Variants in TLL2 observed in about 807,000 individuals in gnomAD.
The protein encoded by TLL2 is tolloid like 2, also known as tolloid-like protein 2.
TLL2 carries 106 observed loss-of-function variants against 123.0 expected under a neutral mutation model. The observed-to-expected ratio is 0.86, with a 90% CI of 0.74 to 1.01. TLL2 has a LOEUF of 1.01. Ranked by LOEUF, TLL2 falls within the 50% of genes least tolerant of loss-of-function variation. The probability of loss-of-function intolerance (pLI) is 0.00; values close to 1 mark genes in which losing one functional copy is unlikely to be tolerated. For synonymous variants in TLL2, 494 were observed against 516.8 expected (o/e 0.96, Z 0.60); for missense variants, 1,332 against 1,336.7 (o/e 1.00, Z 0.06).
At chr10:96,436,262 A>G (rs868661051) in intron 3 of TLL2, among the ~76,000 whole-genome samples, 4 of 152,244 alleles carry the variant, frequency 2.6e-5, no homozygotes, top group Middle Eastern at 3.2e-3. Context: ...TGGCCTACTG[A>G]TATCATTGAT....
chr10:96,442,289 C>A (rs1460806902), intron 3 of TLL2, among the ~76,000 whole-genome samples: 2 of 152,172 alleles, frequency 1.3e-5, no homozygotes, highest in Non-Finnish European at 2.9e-5. Flanking sequence ...TCCCTCAGAT[C>A]CTTTCTCCTG....
At chr10:96,404,965 T>A (rs897015486) in intron 10 of TLL2, among the ~76,000 whole-genome samples, 1 of 152,238 alleles carries the variant, frequency 6.6e-6, no homozygotes, top group African/African-American at 2.4e-5. Context: ...CCTGCTTCAG[T>A]GAACATCCCT....
chr10:96,490,221 C>T (rs371475386), intron 1 of TLL2, among the ~76,000 whole-genome samples: 19 of 152,138 alleles, frequency 1.2e-4, no homozygotes, highest in African/African-American at 2.9e-4. Flanking sequence ...AAGTGACTGA[C>T]GAGACATGTT....
intron 2 of TLL2, among the ~76,000 whole-genome samples, chr10:96,455,340 G>T (rs1464303493): frequency 6.6e-6 from 1 of 152,188 alleles, no homozygotes; most frequent in Non-Finnish European, 1.5e-5. Flanking sequence ...CAGTGGAGCT[G>T]ATTGGCCAAG....
rs147865605 is a variant in TLL2, at chr10:96,367,222, C to A, written c.*866G>T. The A allele has an allele frequency of 6.6e-6, 1 of 152,216 alleles. No homozygotes were observed. The highest frequency in any genetic ancestry group is 1.9e-4 in the East Asian group (1 of 5,200). 9.4% of individuals were successfully genotyped at this position (152,216 alleles called of 1,614,324 possible). On this transcript the variant is annotated 3_prime_UTR_variant, in exon 21 of 21. Coordinates refer to ENST00000357947, the MANE Select transcript of TLL2 (RefSeq NM_012465.4). ...GATGTCAAGGAGTCCAGGTGTGCCACGGCAAGTGCCTCCAAAGCTAAAAGA... is the reference window on the plus strand; with the variant it reads ...GATGTCAAGGAGTCCAGGTGTGCCAAGGCAAGTGCCTCCAAAGCTAAAAGA...
At chr10:96,486,616 C>T (rs572207661) in intron 1 of TLL2, among the ~76,000 whole-genome samples, 1 of 152,326 alleles carries the variant, frequency 6.6e-6, no homozygotes, top group South Asian at 2.1e-4. Context: ...AGCCTCTCTC[C>T]CATGAAGTGC....
chr10:96,445,458 C>T (rs1846889361), intron 3 of TLL2, among the ~76,000 whole-genome samples: 8 of 152,170 alleles, frequency 5.3e-5, no homozygotes, highest in Admixed American at 5.2e-4. Flanking sequence ...TGGGCAGGCT[C>T]CTGGCTACCT....
chr10:96,428,062 T>C (rs536064010), intron 5 of TLL2, among the ~76,000 whole-genome samples: 2 of 152,342 alleles, frequency 1.3e-5, no homozygotes, highest in East Asian at 1.9e-4. Context: ...CCCAAACTGC[T>C]GGGATTACAG....
At chr10:96,437,091 G>T (rs186581631) in intron 3 of TLL2, among the ~76,000 whole-genome samples, 44 of 152,158 alleles carry the variant, frequency 2.9e-4, no homozygotes, top group African/African-American at 8.9e-4. Context: ...GTCATTGAAT[G>T]GGTGTTATTC....
chr10:96,500,452 C>G (rs146511035), intron 1 of TLL2, among the ~76,000 whole-genome samples: 2 of 152,182 alleles, frequency 1.3e-5, no homozygotes, highest in African/African-American at 4.8e-5. Context: ...AGATAACTCA[C>G]GATGTATATA....
intron 1 of TLL2, among the ~76,000 whole-genome samples, chr10:96,494,426 T>A (rs1486922469): frequency 6.6e-6 from 1 of 152,198 alleles, no homozygotes; most frequent in Non-Finnish European, 1.5e-5. Context: ...ATCCTGGCCA[T>A]ATGCCCTGCC....
chr10:96,451,833 A>C (rs1302316237), intron 2 of TLL2, among the ~76,000 whole-genome samples: 2 of 152,224 alleles, frequency 1.3e-5, no homozygotes, highest in Non-Finnish European at 2.9e-5. Context: ...GTCTGATATC[A>C]AAGCCCTTCA....
At chr10:96,486,335 T>G (rs1452178017) in intron 1 of TLL2, among the ~76,000 whole-genome samples, 1 of 152,116 alleles carries the variant, frequency 6.6e-6, no homozygotes, top group Non-Finnish European at 1.5e-5. Context: ...TTTGAAAAAT[T>G]TAGAGGTCCA....
chr10:96,402,873 C>T (rs1846409037), intron 10 of TLL2, among the ~76,000 whole-genome samples: 1 of 152,186 alleles, frequency 6.6e-6, no homozygotes, highest in African/African-American at 2.4e-5. Flanking sequence ...GAAGTCAGGG[C>T]TCGGTCTAGC....
At chr10:96,416,789 C>T (rs1265406579) in intron 7 of TLL2, among the ~76,000 whole-genome samples, 1 of 152,228 alleles carries the variant, frequency 6.6e-6, no homozygotes, top group Non-Finnish European at 1.5e-5. Flanking sequence ...GTGTAAACCA[C>T]AGCGGTGACG....
At chr10:96,377,714 G>A (rs1032766949) in intron 17 of TLL2, among the ~76,000 whole-genome samples, 1 of 152,226 alleles carries the variant, frequency 6.6e-6, no homozygotes, top group African/African-American at 2.4e-5. Flanking sequence ...GCCGGGGGCA[G>A]GAAGGGGAGG....
intron 10 of TLL2, among the ~76,000 whole-genome samples, chr10:96,400,825 T>C (rs904913371): frequency 6.6e-5 from 10 of 152,204 alleles, no homozygotes; most frequent in Admixed American, 6.5e-4. Flanking sequence ...CAGGACAGAA[T>C]TTAAGATCAC....
chr10:96,513,298 C>A (rs1847649770), intron 1 of TLL2, among the ~76,000 whole-genome samples: 1 of 152,216 alleles, frequency 6.6e-6, no homozygotes, highest in South Asian at 2.1e-4. Flanking sequence ...AGCTGTCGCC[C>A]CCCGGTGCGC....
intron 2 of TLL2, among the ~76,000 whole-genome samples, chr10:96,478,883 A>T (rs1847284481): frequency 6.6e-6 from 1 of 152,176 alleles, no homozygotes; most frequent in Admixed American, 6.5e-5. Context: ...GCGTGTACAT[A>T]TGTAAAAGTT....
Sources: allele counts gnomAD v4.1 joint callset (sites outside exome capture counted in the v4.1 genomes callset), GRCh38; gene constraint gnomAD v4.1.1; transcripts MANE v1.5; gene names NCBI Gene and HGNC (gene_info 2026-07-23, HGNC 2026-07-21).